SHQ1: variants seen among roughly 807,000 people sequenced by gnomAD.
The protein encoded by SHQ1 is SHQ1, H/ACA ribonucleoprotein assembly factor, also known as protein SHQ1 homolog.
In SHQ1, 49 loss-of-function variants were observed where a neutral mutation model predicts 53.8. The ratio of observed to expected loss-of-function variants is 0.91; its 90% CI spans 0.72 to 1.16. The LOEUF is 1.16. Among genes scored for constraint, SHQ1 ranks in the 50% most tolerant of loss-of-function variants. The probability of loss-of-function intolerance (pLI) is 0.00; values close to 1 mark genes in which losing one functional copy is unlikely to be tolerated. For synonymous variants in SHQ1, 243 were observed against 251.0 expected, an observed-to-expected ratio of 0.97 and a Z score of 0.30; for missense variants, 738 against 683.1, an observed-to-expected ratio of 1.08 and a Z score of -0.90.
chr3:72,783,915 T>C (rs1303419124), intron 10 of SHQ1, among the ~76,000 whole-genome samples: 3 of 151,850 alleles, frequency 2.0e-5, no homozygotes, highest in South Asian at 2.1e-4. Flanking sequence ...CAAAACAAAA[T>C]GTGGTCTCAT....
At chr3:72,827,840 C>T (rs185756080) in intron 5 of SHQ1, among the ~76,000 whole-genome samples, 16 of 151,022 alleles carry the variant, frequency 1.1e-4, no homozygotes, top group Middle Eastern at 3.4e-3. Context: ...CTGCAAGCTC[C>T]GCCTCCTGGG....
chr3:72,730,895 T>A, the SHQ1 span, among the ~76,000 whole-genome samples: 1 of 149,234 alleles, frequency 6.7e-6, no homozygotes, highest in African/African-American at 2.5e-5. Context: ...ATAATCATCC[T>A]CTGAAAAATG....
At chr3:72,838,734 G>A (rs767348004) in intron 4 of SHQ1, among the ~76,000 whole-genome samples, 5 of 152,140 alleles carry the variant, frequency 3.3e-5, no homozygotes, top group South Asian at 4.2e-4. Flanking sequence ...CTCCTGACCC[G>A]CCTGCCTCAG....
intron 1 of SHQ1, among the ~76,000 whole-genome samples, chr3:72,845,858 C>T (rs962733298): frequency 1.3e-5 from 2 of 152,200 alleles, no homozygotes; most frequent in Admixed American, 1.3e-4. Context: ...GAAAATCCCT[C>T]TAAGCCAGAA....
chr3:72,834,457 A>G (rs1707931210), intron 4 of SHQ1, among the ~76,000 whole-genome samples: 1 of 152,094 alleles, frequency 6.6e-6, no homozygotes, highest in South Asian at 2.1e-4. Context: ...TTGAACCCAG[A>G]AGGTGGAGGT....
intron 10 of SHQ1, among the ~76,000 whole-genome samples, chr3:72,784,845 G>A (rs945456746): frequency 8.5e-5 from 13 of 152,146 alleles, no homozygotes; most frequent in African/African-American, 2.4e-5. Flanking sequence ...AGTGACTTGG[G>A]GGGTGGTAGG....
intron 9 of SHQ1, among the ~76,000 whole-genome samples, chr3:72,810,743 CAA>C (rs1223873525): frequency 6.6e-6 from 1 of 152,166 alleles, no homozygotes. Flanking sequence ...TCCACCTGTA[CAA>C]AGACAGGTGA....
chr3:72,799,165 AT>A (rs1236426183), intron 9 of SHQ1, among the ~76,000 whole-genome samples: 12 of 151,954 alleles, frequency 7.9e-5, no homozygotes, highest in South Asian at 2.1e-4. Flanking sequence ...AAAAAAAAAA[AT>A]AATAATAATT....
At chr3:72,732,287 C>T in the SHQ1 span, among the ~76,000 whole-genome samples, 1 of 150,994 alleles carries the variant, frequency 6.6e-6, no homozygotes, top group African/African-American at 2.4e-5. Flanking sequence ...TGAGACTCAG[C>T]ACCCAGCCAC....
the SHQ1 span, among the ~76,000 whole-genome samples, chr3:72,728,945 C>T: frequency 4.7e-3 from 722 of 152,332 alleles, 4 homozygotes; most frequent in African/African-American, 0.016. Context: ...CTCGCTGCTA[C>T]TGAGAGCCCA....
chr3:72,833,067 A>C (rs1007100129), intron 4 of SHQ1, among the ~76,000 whole-genome samples: 8 of 152,192 alleles, frequency 5.3e-5, no homozygotes, highest in African/African-American at 1.9e-4. Flanking sequence ...GAAATGCTCC[A>C]AAGAGTATTT....
At position 72,796,979 on chromosome 3, in the gene SHQ1, C is replaced by T. The variant is rs1296155750; in HGVS notation, c.1061-3943G>A. Among the ~76,000 whole-genome samples the T allele has an allele frequency of 2.0e-5, 3 of 147,116 alleles. No individual in the cohort carries two copies. The East Asian group carries it at 6.1e-4, about 30-fold the overall frequency. On this transcript the variant is annotated intron_variant, in intron 9 of 10. Coordinates refer to ENST00000325599, the MANE Select transcript of SHQ1 (RefSeq NM_018130.3). The stretch of plus-strand genomic sequence containing the variant: ...AATACTCATTTAAAAAATGCTGGGC[C>T]AGGCACAGTGGCTCATGCTTGTAAT...
At chr3:72,765,543 ATATATATATATATATT>A (rs1337515070) in intron 10 of SHQ1, among the ~76,000 whole-genome samples, 16 of 93,100 alleles carry the variant, frequency 1.7e-4, no homozygotes, top group African/African-American at 1.2e-3. Flanking sequence ...ATATATATAT[ATATATATATATATATT>A]TTTTTTTTTT....
the SHQ1 span, among the ~76,000 whole-genome samples, chr3:72,739,778 G>C: frequency 1.3e-5 from 2 of 152,244 alleles, no homozygotes; most frequent in Non-Finnish European, 2.9e-5. Context: ...AAAGGAAACA[G>C]GAGTGGGGCA....
intron 5 of SHQ1, among the ~76,000 whole-genome samples, chr3:72,827,669 G>A (rs553188699): frequency 2.6e-5 from 4 of 151,858 alleles, no homozygotes; most frequent in South Asian, 4.2e-4. Flanking sequence ...AAGCGCTGAC[G>A]GTGACTAATG....
chr3:72,822,124 A>C (rs1159454495), intron 6 of SHQ1, among the ~76,000 whole-genome samples: 1 of 152,224 alleles, frequency 6.6e-6, no homozygotes, highest in Non-Finnish European at 1.5e-5. Context: ...AAGGTGCAAG[A>C]TCATATCGCA....
chr3:72,734,417 A>G, the SHQ1 span, among the ~76,000 whole-genome samples: 1,823 of 150,792 alleles, frequency 0.012, 45 homozygotes, highest in Non-Finnish European at 0.018. Flanking sequence ...CACCATGCCC[A>G]GCTAATTTTT....
chr3:72,811,440 GAAGA>G (rs1191495802), intron 9 of SHQ1, among the ~76,000 whole-genome samples: 1 of 152,158 alleles, frequency 6.6e-6, no homozygotes, highest in Non-Finnish European at 1.5e-5. Flanking sequence ...TGGAAGGCAA[GAAGA>G]AATAACACAT....
chr3:72,820,362 C>G (rs879641246), intron 6 of SHQ1, among the ~76,000 whole-genome samples: 1 of 152,282 alleles, frequency 6.6e-6, no homozygotes, highest in African/African-American at 2.4e-5. Flanking sequence ...AAAACACTTC[C>G]ACCTTTTACT....
Sources: gnomAD v4.1 joint callset for allele counts (sites outside exome capture counted in the v4.1 genomes callset) on GRCh38, gnomAD v4.1.1 for gene constraint, MANE v1.5 for transcripts, NCBI Gene and HGNC (gene_info 2026-07-23, HGNC 2026-07-21) for gene names.